Variants in PLEKHA5 observed in about 807,000 individuals in gnomAD.
PLEKHA5 encodes pleckstrin homology domain-containing family A member 5.
In PLEKHA5, 55 loss-of-function variants were observed where a neutral mutation model predicts 181.9. The observed-to-expected ratio is 0.30, with a 90% CI of 0.24 to 0.38. PLEKHA5 has a LOEUF of 0.38. Ranked by LOEUF, PLEKHA5 falls within the 10% of genes least tolerant of loss-of-function variation. The pLI, the probability that PLEKHA5 is intolerant of heterozygous loss-of-function variation, is 1.00. For missense variants in PLEKHA5, 1,432 were observed against 1,549.5 expected (o/e 0.92, Z 1.27); for synonymous variants, 535 against 529.4 (o/e 1.01, Z -0.15).
At chr12:19,192,028 G>T (rs182672373) in intron 3 of PLEKHA5, among the ~76,000 whole-genome samples, 38 of 152,220 alleles carry the variant, frequency 2.5e-4, no homozygotes, top group African/African-American at 8.7e-4. Flanking sequence ...TGTATAGTCC[G>T]TGTATAGGCT....
intron 3 of PLEKHA5, among the ~76,000 whole-genome samples, chr12:19,178,189 C>T (rs375876636): frequency 2.0e-5 from 3 of 152,152 alleles, no homozygotes; most frequent in East Asian, 3.9e-4. Flanking sequence ...TGTGCTGTGA[C>T]GTGAAAAAAA....
intron 20 of PLEKHA5, among the ~76,000 whole-genome samples, chr12:19,330,063 A>C (rs1487997162): frequency 6.6e-6 from 1 of 152,204 alleles, no homozygotes; most frequent in African/African-American, 2.4e-5. Flanking sequence ...AAAACAAAAC[A>C]AAAGAAAATC....
chr12:19,130,081 C>T lies in PLEKHA5; in HGVS notation c.120C>T (p.His40=), dbSNP rs780216554. ...NEEAKSTTWL[H]PVTGEAVVTG... ...AGGCCAAGAGCACCACCTGGCTGCA[C>T]CCCGTCACCGGCGAGGCGGTGGTCA... Residue 40 remains histidine, a synonymous_variant, in exon 2 of 32, where the codon CAC becomes CAT. Transcript: ENST00000429027. The surrounding 1 kb of genome is among the most constrained non-coding windows in gnomAD (Gnocchi z 4.5). 1 of 1,591,544 alleles carries T rather than the reference C, an allele frequency of 6.3e-7. No individual in the cohort carries two copies. Among genetic ancestry groups the T allele is most frequent in the Non-Finnish European group, 8.5e-7 (1 of 1,170,504 alleles).
At position 19,358,355 on chromosome 12, in the gene PLEKHA5, G is replaced by T. The variant is rs34017618; in HGVS notation, c.3266G>T (p.Gly1089Val). Residue 1089 changes from glycine (G) to valine (V), a missense_variant, in exon 27 of 32, where the codon GGG (glycine) becomes GTG (valine). Physicochemically the swap from Gly to Val is moderately radical, Grantham distance 109. This residue lies in a region of PLEKHA5 where 1,143 missense variants were observed against 1,168.4 expected (regional missense o/e 0.98). Transcript: ENST00000429027. ...GCGTGCCTGAGGGAGAAGAAAAAAG[G>T]GTTAAATGTTATCGGTGCTTCAGAC... ...QQACLREKKK[G>V]LNVIGASDQS... 1.2e-3 allele frequency: 1,895 copies of T among 1,613,898 alleles called. 22 individuals carry two copies. In the African/African-American group the frequency reaches 0.022, roughly 19 times the overall value.
intron 15 of PLEKHA5, among the ~76,000 whole-genome samples, chr12:19,302,905 AATTTTTT>A (rs2081973278): frequency 9.4e-6 from 1 of 106,606 alleles, no homozygotes; most frequent in African/African-American, 3.8e-5. Context: ...TTCTGTATGA[AATTTTTT>A]TTTTTTTTTT....
At chr12:19,231,028 G>A (rs1265440821) in intron 3 of PLEKHA5, among the ~76,000 whole-genome samples, 1 of 152,128 alleles carries the variant, frequency 6.6e-6, no homozygotes, top group Non-Finnish European at 1.5e-5. Context: ...TTAATCATGA[G>A]TCTCCATAAC....
intron 6 of PLEKHA5, 108 bp from the exon 7 acceptor site, chr12:19,260,841 C>T: frequency 5.0e-6 from 3 of 604,624 alleles, no homozygotes; most frequent in Non-Finnish European, 5.4e-6. Context: ...GCCTGGGCAA[C>T]AAGAGCGAAA....
chr12:19,230,126 G>C (rs372185399), intron 3 of PLEKHA5, among the ~76,000 whole-genome samples: 6 of 152,076 alleles, frequency 3.9e-5, no homozygotes, highest in South Asian at 2.1e-4. Flanking sequence ...AATCCTTTAG[G>C]TAGACATAAG....
chr12:19,211,095 C>A (rs2056798722), intron 3 of PLEKHA5, among the ~76,000 whole-genome samples: 1 of 151,970 alleles, frequency 6.6e-6, no homozygotes, highest in South Asian at 2.1e-4. Flanking sequence ...GTTTTTAATA[C>A]TTAAAAATTA....
intron 12 of PLEKHA5, among the ~76,000 whole-genome samples, chr12:19,286,081 T>C (rs1020212545): frequency 2.0e-5 from 3 of 152,216 alleles, no homozygotes; most frequent in East Asian, 1.9e-4. Flanking sequence ...AAGCAAAAAA[T>C]AGAATTTTGA....
chr12:19,207,426 T>A (rs2152122052), intron 3 of PLEKHA5: 1 of 152,272 alleles, frequency 6.6e-6, no homozygotes, highest in African/African-American at 2.4e-5. Context: ...GGTTTCTAGA[T>A]ATTAAGCATA....
intron 3 of PLEKHA5, among the ~76,000 whole-genome samples, chr12:19,166,469 G>T (rs1015539856): frequency 6.6e-6 from 1 of 151,794 alleles, no homozygotes; most frequent in Non-Finnish European, 1.5e-5. Context: ...TTTTGCGCCC[G>T]TACTCATCTT....
chr12:19,287,895 A>G (rs1275448530), intron 13 of PLEKHA5, among the ~76,000 whole-genome samples: 4 of 152,100 alleles, frequency 2.6e-5, no homozygotes, highest in Non-Finnish European at 5.9e-5. Flanking sequence ...CCTGGCCAAC[A>G]TGTTGAAACC....
chr12:19,302,428 C>G (rs947794745), intron 15 of PLEKHA5, among the ~76,000 whole-genome samples: 1 of 152,188 alleles, frequency 6.6e-6, no homozygotes, highest in Non-Finnish European at 1.5e-5. Flanking sequence ...TTTACTGGTC[C>G]TCTGTCGCCG....
intron 3 of PLEKHA5, chr12:19,176,204 C>CCTTCCTCCCTCCCTCTGT (rs1322396569): frequency 3.3e-5 from 5 of 150,392 alleles, no homozygotes; most frequent in African/African-American, 9.8e-5. Flanking sequence ...CCCCCCCCCA[C>CCTTCCTCCCTCCCTCTGT]CTTCCTCCCT....
At position 19,322,409 on chromosome 12, in the gene PLEKHA5, T is replaced by C. The variant is rs369987124; in HGVS notation, c.2298+19T>C. ...GGAGAAAGTAGGACAATTATGTTTA[T>C]TGTCTACAATTGATGTTACTTAATA... On this transcript the variant is annotated intron_variant, in intron 19 of 31. Coordinates refer to ENST00000429027, the MANE Select transcript of PLEKHA5 (RefSeq NM_001256470.2). 69 of 1,585,962 alleles carry C rather than the reference T, an allele frequency of 4.4e-5. No homozygotes were observed. The highest frequency in any genetic ancestry group is 1.1e-4 in the African/African-American group (8 of 74,334).
At chr12:19,166,766 T>C (rs934091346) in intron 3 of PLEKHA5, among the ~76,000 whole-genome samples, 3 of 152,214 alleles carry the variant, frequency 2.0e-5, no homozygotes, top group African/African-American at 7.2e-5. Flanking sequence ...TCTTTGAAAG[T>C]AGTAATGACC....
At position 19,287,570 on chromosome 12, in the gene PLEKHA5, T is replaced by G. The variant is rs773811332; in HGVS notation, c.1863+14T>G. ...CAAGGGAAAACGGTGAGTAATATCT[T>G]TATTTACCATACCATGTTTTATTTA... On this transcript the variant is annotated intron_variant, in intron 13 of 31. Coordinates refer to ENST00000429027, the MANE Select transcript of PLEKHA5 (RefSeq NM_001256470.2). The G allele has an allele frequency of 1.5e-6, 2 of 1,346,176 alleles. No individual in the cohort carries two copies. The highest frequency in any genetic ancestry group is 3.6e-5 in the Admixed American group (2 of 56,260). The allele number at this position is 1,346,176 out of a possible 1,614,324, so 83.4% of individuals were successfully genotyped here. A position where few individuals can be genotyped will look rare whatever the true frequency, so the allele number is the denominator to read the frequency against.
At chr12:19,307,840 G>A (rs1449363010) in intron 15 of PLEKHA5, among the ~76,000 whole-genome samples, 10 of 151,702 alleles carry the variant, frequency 6.6e-5, no homozygotes, top group South Asian at 4.2e-4. Flanking sequence ...AGACAACAAC[G>A]AAGAAGCAGG....
Sources: allele counts gnomAD v4.1 joint callset (sites outside exome capture counted in the v4.1 genomes callset), GRCh38; gene constraint gnomAD v4.1.1; regional missense constraint gnomAD v4.1.1; non-coding constraint Gnocchi (gnomAD v3.1); transcripts MANE v1.5; gene names NCBI Gene and HGNC (gene_info 2026-07-23, HGNC 2026-07-21).